Variants in ZNF222 observed in about 807,000 individuals in gnomAD.
The protein encoded by ZNF222 is zinc finger protein 222.
A neutral mutation model predicts 11.6 loss-of-function variants in ZNF222; 8 were observed. The observed-to-expected ratio is 0.69, with a 90% confidence interval of 0.41 to 1.25. The LOEUF is 1.25. ZNF222 is among the 50% of genes most tolerant of loss of function. The probability of loss-of-function intolerance (pLI) is 0.01; values close to 1 mark genes in which losing one functional copy is unlikely to be tolerated. For missense variants in ZNF222, 483 were observed against 576.1 expected, an observed-to-expected ratio of 0.84 and a Z score of 1.65; for synonymous variants, 171 against 195.6, an observed-to-expected ratio of 0.87 and a Z score of 1.05.
At chr19:44,029,235 C>T (rs1251594762) in intron 3 of ZNF222, among the ~76,000 whole-genome samples, 1 of 77,302 alleles carries the variant, frequency 1.3e-5, no homozygotes, top group African/African-American at 5.3e-5. Flanking sequence ...GGCTGCTTAT[C>T]CAATTTTGAC....
intron 3 of ZNF222, among the ~76,000 whole-genome samples, chr19:44,029,106 C>T (rs1976439294): frequency 6.6e-6 from 1 of 150,450 alleles, no homozygotes; most frequent in African/African-American, 2.4e-5. Flanking sequence ...TTCTGATGCA[C>T]TGTTGGTTGA....
chr19:44,029,668 T>C (rs73556217), intron 3 of ZNF222, among the ~76,000 whole-genome samples: 4,187 of 152,290 alleles, frequency 0.027, 163 homozygotes, highest in African/African-American at 0.081. Context: ...TAAAGACTTA[T>C]TTATACGTGA....
intron 3 of ZNF222, 105 bp from the exon 4 acceptor site, chr19:44,031,712 A>T (rs1018216399): frequency 7.9e-7 from 1 of 1,269,250 alleles, no homozygotes; most frequent in East Asian, 2.3e-5. Flanking sequence ...CAAACTCCTG[A>T]CCTCACAGTC....
rs527935705 is a variant in ZNF222, at chr19:44,031,941, T to A, written c.387T>A (p.Ser129Arg). The A allele has an allele frequency of 5.6e-6, 9 of 1,614,230 alleles. No homozygotes were observed. In the South Asian group the frequency reaches 8.8e-5, roughly 16 times the overall value. Residue 129 changes from serine (S) to arginine (R), a missense_variant, in exon 4 of 4, where the codon AGT becomes AGA. By Grantham distance (110) the Ser-to-Arg change is moderately radical (BLOSUM62 -1). Transcript: ENST00000391960. ...DLTRSQDTTI[S>R]NSQLFEQDDN... is the part of the protein sequence containing the mutation. ...CCAGGTCTCAAGATACCACCATAAG[T>A]AACTCTCAGTTATTTGAACAAGATG...
Position 44,032,055 on chromosome 19 carries a change from T to A in ZNF222, c.501T>A (p.Ser167Arg). 6.2e-7 allele frequency: 1 copy of A among 1,614,206 alleles called. No individual in the cohort carries two copies. ...GTGAAAATTGTAAACAGTTCTTCAG[T>A]GATGTTTCCTTCTTTGATCTTCCTC... ...FQGENCKQFF[S>R]DVSFFDLPQQ... Residue 167 changes from serine to arginine, a missense_variant, in exon 4 of 4, where the codon AGT becomes AGA. Ser to Arg is a moderately radical substitution (Grantham distance 110, BLOSUM62 -1). Coordinates refer to ENST00000391960, the MANE Select transcript of ZNF222 (RefSeq NM_001129996.2).
Position 44,025,535 on chromosome 19 carries a change from G to A in ZNF222, c.42+57G>A, listed in dbSNP as rs1976337619. 6.6e-7 allele frequency: 1 copy of A among 1,506,472 alleles called. No individual in the cohort carries two copies. The highest frequency in any genetic ancestry group is 8.9e-7 in the Non-Finnish European group (1 of 1,124,576). 93.3% of individuals were successfully genotyped at this position (1,506,472 alleles called of 1,614,324 possible). A position where few individuals can be genotyped will look rare whatever the true frequency, so the allele number is the denominator to read the frequency against. Reference sequence around the variant, plus strand: ...CCAGTCAGCTGAGCCTTCTGGCGTCGGGGGGCTCTGCTAGGGTCTCAGGGA... The same window carrying A: ...CCAGTCAGCTGAGCCTTCTGGCGTCAGGGGGCTCTGCTAGGGTCTCAGGGA... On this transcript the variant is annotated intron_variant, in intron 1 of 3. Transcript: ENST00000391960. This position sits in a 1 kb window ranked among gnomAD's most constrained non-coding sequence, Gnocchi z 4.6.
chr19:44,025,963 C>A lies in ZNF222; in HGVS notation c.42+485C>A. The A allele has an allele frequency of 6.6e-7, 1 of 1,506,688 alleles. No homozygotes were observed. The highest frequency in any genetic ancestry group is 1.9e-5 in the Admixed American group (1 of 52,188). The allele number at this position is 1,506,688 out of a possible 1,614,324, so 93.3% of individuals were successfully genotyped here. On this transcript the variant is annotated intron_variant, in intron 1 of 3. Transcript: ENST00000391960. The surrounding 1 kb of genome is among the most constrained non-coding windows in gnomAD (Gnocchi z 4.6). Reference sequence around the variant, plus strand: ...CCTCTTTTTAGGAAAGTGAGGGGAGCATTTAACTTTTATGGGGGACGGCAA... The same window carrying A: ...CCTCTTTTTAGGAAAGTGAGGGGAGAATTTAACTTTTATGGGGGACGGCAA...
intron 2 of ZNF222, 112 bp downstream of exon 2, chr19:44,027,261 G>C (rs1278418467): frequency 5.7e-6 from 9 of 1,584,510 alleles, no homozygotes; most frequent in Non-Finnish European, 6.9e-6. Context: ...AGTAAATTTT[G>C]CCTGGCTATT....
intron 3 of ZNF222, among the ~76,000 whole-genome samples, chr19:44,030,485 G>C (rs939042893): frequency 1.3e-5 from 2 of 152,148 alleles, no homozygotes; most frequent in Non-Finnish European, 2.9e-5. Context: ...TTAGTAATTT[G>C]CTAGAAAGAC....
Position 44,027,034 on chromosome 19 carries a change from C to A in ZNF222, c.54C>A (p.Thr18=), listed in dbSNP as rs755112950. 8 of 1,613,918 alleles carry A rather than the reference C, an allele frequency of 5.0e-6. No individual in the cohort carries two copies. In the African/African-American group the frequency reaches 1.1e-4, roughly 22 times the overall value. ...GCTTGATGTTGTAGGAGGCAGTGACCTTCAAGGATGTGGCTGTGATCTTCA... is the reference window on the plus strand; with the variant it reads ...GCTTGATGTTGTAGGAGGCAGTGACATTCAAGGATGTGGCTGTGATCTTCA... The part of the protein sequence containing the change: ...KPGRRAEEAV[T]FKDVAVIFTE... Residue 18 remains threonine (T), a synonymous_variant, in exon 2 of 4, where the codon ACC becomes ACA. Coordinates refer to ENST00000391960, the MANE Select transcript of ZNF222 (RefSeq NM_001129996.2).
At chr19:44,026,889 G>A in intron 1 of ZNF222, 134 bp from the exon 2 acceptor site, 1 of 1,415,482 alleles carries the variant, frequency 7.1e-7, no homozygotes, top group Non-Finnish European at 9.6e-7. Context: ...AGAATAAGTA[G>A]GAAATCTATA....
Position 44,032,014 on chromosome 19 carries a change from G to T in ZNF222, c.460G>T (p.Glu154Ter), listed in dbSNP as rs779135601. 6.2e-7 allele frequency: 1 copy of T among 1,614,202 alleles called. No homozygotes were observed. Among genetic ancestry groups the T allele is most frequent in the Non-Finnish European group, 8.5e-7 (1 of 1,180,024 alleles). The change falls in exon 4 of 4, where the codon GAA becomes TAA. Residue 154 changes from glutamate (E) to a stop codon, truncating the protein, a stop_gained. Transcript: ENST00000391960. LOFTEE classifies it low-confidence loss of function (END_TRUNC). Reference sequence around the variant, plus strand: ...AAGACTATCTACAGTTCACACAAGAGAAAAACCTTTCCAGGGTGAAAATTG... The same window carrying T: ...AAGACTATCTACAGTTCACACAAGATAAAAACCTTTCCAGGGTGAAAATTG... ...KARLSTVHTR[E>*]KPFQGENCKQ...
intron 3 of ZNF222, 67 bp downstream of exon 3, chr19:44,027,557 G>A: frequency 1.3e-6 from 2 of 1,491,042 alleles, no homozygotes; most frequent in Non-Finnish European, 1.9e-6. Context: ...CCCATTTCCA[G>A]CATTTTGGGG....
Position 44,027,062 on chromosome 19 carries a change from G to C in ZNF222, c.82G>C (p.Glu28Gln). The change falls in exon 2 of 4, where the codon GAG (glutamate) becomes CAG (glutamine). Residue 28 changes from glutamate (E) to glutamine (Q), a missense_variant. Transcript: ENST00000391960. ...TFKDVAVIFT[E>Q]EELGLLDPAQ... is the part of the protein sequence containing the mutation. ...CAAGGATGTGGCTGTGATCTTCACT[G>C]AGGAGGAGCTGGGGCTGCTGGACCC... The C allele has an allele frequency of 6.2e-7, 1 of 1,614,114 alleles. No homozygotes were observed. Among genetic ancestry groups the C allele is most frequent in the Non-Finnish European group, 8.5e-7 (1 of 1,180,006 alleles).
chr19:44,028,329 G>A (rs746515589), intron 3 of ZNF222: 145 of 398,276 alleles, frequency 3.6e-4, no homozygotes, highest in African/African-American at 8.8e-4. Flanking sequence ...GGAACATAAC[G>A]TGTTCATAGG....
At position 44,032,316 on chromosome 19, in the gene ZNF222, A is replaced by G. The variant is rs1976522251; in HGVS notation, c.762A>G (p.Ser254=). 2.5e-6 allele frequency: 4 copies of G among 1,614,072 alleles called. No homozygotes were observed. Among genetic ancestry groups the G allele is most frequent in the Non-Finnish European group, 3.4e-6 (4 of 1,180,038 alleles). The change falls in exon 4 of 4, where the codon TCA becomes TCG. Residue 254 remains serine, a synonymous_variant. Transcript: ENST00000391960. The part of the protein sequence containing the change: ...EQCGKGFRCR[S]ALKVHCKLHM... The stretch of plus-strand genomic sequence containing the variant: ...GTGGGAAAGGCTTCAGATGTAGATC[A>G]GCACTTAAAGTTCATTGCAAATTAC...
intron 1 of ZNF222, among the ~76,000 whole-genome samples, chr19:44,026,530 C>T (rs1333185901): frequency 2.8e-5 from 1 of 35,450 alleles, no homozygotes; most frequent in Non-Finnish European, 1.4e-4. Flanking sequence ...TATTTTCTTT[C>T]TCTCTCTCTC....
chr19:44,028,780 G>A (rs1976433103), intron 3 of ZNF222, among the ~76,000 whole-genome samples: 1 of 152,208 alleles, frequency 6.6e-6, no homozygotes, highest in Non-Finnish European at 1.5e-5. Context: ...TAAGAATCAT[G>A]GAGATAGCTA....
rs780027911 is a variant in ZNF222 at position 44,032,571 on chromosome 19, T to C, written c.1017T>C (p.Asp339=). 6.2e-7 allele frequency: 1 copy of C among 1,614,178 alleles called. No individual in the cohort carries two copies. The highest frequency in any genetic ancestry group is 8.5e-7 in the Non-Finnish European group (1 of 1,180,040). Residue 339 remains aspartate (D), a synonymous_variant, in exon 4 of 4, where the codon GAT becomes GAC. Transcript: ENST00000391960. ...KYGRGFIDRL[D]LHKHQMIHMG... ...GAAGAGGTTTCATTGATAGGCTAGA[T>C]TTGCATAAGCATCAGATGATTCATA...
Sources: gnomAD v4.1 joint callset for allele counts (sites outside exome capture counted in the v4.1 genomes callset) on GRCh38, gnomAD v4.1.1 for gene constraint, Gnocchi (gnomAD v3.1) non-coding constraint, MANE v1.5 for transcripts, NCBI Gene and HGNC (gene_info 2026-07-23, HGNC 2026-07-21) for gene names.